GNA12: variants seen among roughly 807,000 people sequenced by gnomAD.
GNA12 encodes the protein guanine nucleotide-binding protein subunit alpha-12.
Under a neutral mutation model 26.0 loss-of-function variants are expected in GNA12, and 9 were observed. The ratio of observed to expected loss-of-function variants is 0.35; its 90% CI spans 0.21 to 0.60. The LOEUF (loss-of-function observed/expected upper bound fraction) is 0.60, where lower values mean the gene tolerates loss of function less well. GNA12 is among the 20% of genes least tolerant of loss of function. The probability of loss-of-function intolerance (pLI) is 0.78; values close to 1 mark genes in which losing one functional copy is unlikely to be tolerated. For missense variants in GNA12, 405 were observed against 525.8 expected (o/e 0.77, Z 2.25); for synonymous variants, 264 against 219.6 (o/e 1.20, Z -1.79).
chr7:2,768,782 T>G (rs1791876630), intron 2 of GNA12, among the ~76,000 whole-genome samples: 1 of 152,188 alleles, frequency 6.6e-6, no homozygotes, highest in African/African-American at 2.4e-5. Flanking sequence ...CATACACTTT[T>G]CTACCTTTGT....
chr7:2,755,961 TG>T (rs1791273525), intron 2 of GNA12, among the ~76,000 whole-genome samples: 1 of 152,226 alleles, frequency 6.6e-6, no homozygotes, highest in Non-Finnish European at 1.5e-5. Flanking sequence ...TGGTAGAAAT[TG>T]ACAAGCTCAT....
intron 1 of GNA12, among the ~76,000 whole-genome samples, chr7:2,840,996 C>T (rs1368475739): frequency 2.0e-5 from 3 of 152,208 alleles, no homozygotes; most frequent in Non-Finnish European, 4.4e-5. Context: ...TTGAAATGGT[C>T]ACGACACATG....
intron 2 of GNA12, among the ~76,000 whole-genome samples, chr7:2,789,463 G>T (rs1490215759): frequency 6.6e-6 from 1 of 152,184 alleles, no homozygotes; most frequent in Non-Finnish European, 1.5e-5. Context: ...ATGAGTCACA[G>T]TGATTTCTGG....
chr7:2,784,686 C>A (rs1278867348), intron 2 of GNA12, among the ~76,000 whole-genome samples: 1 of 151,984 alleles, frequency 6.6e-6, no homozygotes, highest in African/African-American at 2.4e-5. Context: ...GATGATGACC[C>A]TCTTCCTTCT....
intron 1 of GNA12, among the ~76,000 whole-genome samples, chr7:2,825,527 G>GA (rs1206596835): frequency 1.3e-5 from 2 of 152,222 alleles, no homozygotes; most frequent in African/African-American, 4.8e-5. Context: ...GTAAACTAGG[G>GA]AAGGAGGTGC....
At chr7:2,802,561 G>T (rs933288815) in intron 1 of GNA12, among the ~76,000 whole-genome samples, 4 of 152,022 alleles carry the variant, frequency 2.6e-5, no homozygotes, top group African/African-American at 9.7e-5. Context: ...CCAAAGCTAC[G>T]ATAGACATAA....
chr7:2,734,815 G>A (rs1228337967), intron 2 of GNA12, among the ~76,000 whole-genome samples: 1 of 152,168 alleles, frequency 6.6e-6, no homozygotes, highest in East Asian at 1.9e-4. Flanking sequence ...GCAGGACGGG[G>A]CGAGCACGTG....
At chr7:2,842,915 C>A (rs909164220) in intron 1 of GNA12, among the ~76,000 whole-genome samples, 4 of 152,312 alleles carry the variant, frequency 2.6e-5, no homozygotes, top group Middle Eastern at 3.4e-3. Flanking sequence ...ATAGGATTGG[C>A]ACAGAATTGA....
At chr7:2,755,190 C>G (rs1791236267) in intron 2 of GNA12, among the ~76,000 whole-genome samples, 1 of 152,164 alleles carries the variant, frequency 6.6e-6, no homozygotes, top group Non-Finnish European at 1.5e-5. Context: ...GCCTTGGAAT[C>G]AGGGAGAGTG....
intron 1 of GNA12, among the ~76,000 whole-genome samples, chr7:2,798,801 C>G (rs890108348): frequency 6.6e-6 from 1 of 152,040 alleles, no homozygotes; most frequent in Non-Finnish European, 1.5e-5. Context: ...GGTGACAGAC[C>G]CACAGATCAA....
At chr7:2,779,192 A>G (rs796479922) in intron 2 of GNA12, among the ~76,000 whole-genome samples, 57 of 152,220 alleles carry the variant, frequency 3.7e-4, no homozygotes, top group African/African-American at 1.0e-3. Context: ...TTTCTCTACA[A>G]AAAATTAAAA....
intron 2 of GNA12, among the ~76,000 whole-genome samples, chr7:2,753,878 T>C (rs1199592416): frequency 6.6e-6 from 1 of 152,174 alleles, no homozygotes; most frequent in Non-Finnish European, 1.5e-5. Flanking sequence ...ATCTGTTCCT[T>C]TTCAGTAAGG....
Position 2,733,395 on chromosome 7 carries a change from T to C in GNA12, c.576+56A>G, listed in dbSNP as rs1789998071. The C allele has an allele frequency of 2.6e-5, 36 of 1,394,766 alleles. No homozygotes were observed. In the South Asian group the frequency reaches 4.4e-4, roughly 17 times the overall value. The allele number at this position is 1,394,766 out of a possible 1,614,324, so 86.4% of individuals were successfully genotyped here. On this transcript the variant is annotated intron_variant, in intron 3 of 3. Coordinates refer to ENST00000275364, the MANE Select transcript of GNA12 (RefSeq NM_007353.3). The stretch of plus-strand genomic sequence containing the variant: ...TCACAACGTGGACTGCTTTGGTCTC[T>C]GGACACGTTTTCTAACCCTGGAGCC...
At chr7:2,806,520 TA>T (rs1029340912) in intron 1 of GNA12, among the ~76,000 whole-genome samples, 8 of 149,200 alleles carry the variant, frequency 5.4e-5, no homozygotes, top group African/African-American at 2.0e-4. Flanking sequence ...TTTCTGATTA[TA>T]AAAGTGTATT....
chr7:2,841,147 CT>C (rs1392491048), intron 1 of GNA12, among the ~76,000 whole-genome samples: 5 of 151,980 alleles, frequency 3.3e-5, no homozygotes, highest in African/African-American at 7.3e-5. Context: ...GTTGAGTTTT[CT>C]TTTTTTCTTT....
chr7:2,796,713 T>C (rs778840582), intron 1 of GNA12, among the ~76,000 whole-genome samples: 2 of 152,176 alleles, frequency 1.3e-5, no homozygotes, highest in Non-Finnish European at 2.9e-5. Context: ...TGTTTCCTCA[T>C]TGTTAAAGAT....
intron 1 of GNA12, among the ~76,000 whole-genome samples, chr7:2,816,240 C>CTTTTTTTTT (rs71026563): frequency 0.13 from 19,070 of 147,750 alleles, 1,347 homozygotes; most frequent in Middle Eastern, 0.18. Context: ...TCACCAAATC[C>CTTTTTTTTT]TTTTTTTTTG....
intron 2 of GNA12, among the ~76,000 whole-genome samples, chr7:2,736,655 G>C (rs548460813): frequency 3.2e-4 from 48 of 152,242 alleles, no homozygotes; most frequent in Non-Finnish European, 5.0e-4. Context: ...ACGCCCATGA[G>C]GAGACCGCCT....
At chr7:2,832,849 T>C (rs1261013162) in intron 1 of GNA12, among the ~76,000 whole-genome samples, 2 of 152,190 alleles carry the variant, frequency 1.3e-5, no homozygotes, top group Non-Finnish European at 2.9e-5. Flanking sequence ...TTCTAGCTGC[T>C]TGCAAGAGCT....
Sources: allele counts gnomAD v4.1 joint callset (sites outside exome capture counted in the v4.1 genomes callset), GRCh38; gene constraint gnomAD v4.1.1; transcripts MANE v1.5; gene names NCBI Gene and HGNC (gene_info 2026-07-23, HGNC 2026-07-21).